Variants in EML5 observed in about 807,000 individuals in gnomAD.
The protein encoded by EML5 is echinoderm microtubule-associated protein-like 5.
EML5 carries 120 observed loss-of-function variants against 250.0 expected under a neutral mutation model. The ratio of observed to expected loss-of-function variants is 0.48; its 90% CI spans 0.41 to 0.56. EML5 has a LOEUF of 0.56. EML5 is among the 20% of genes least tolerant of loss of function. The probability of loss-of-function intolerance (pLI) is 0.00; values close to 1 mark genes in which losing one functional copy is unlikely to be tolerated. For synonymous variants in EML5, 771 were observed against 806.5 expected, an observed-to-expected ratio of 0.96 and a Z score of 0.75; for missense variants, 2,006 against 2,437.6, an observed-to-expected ratio of 0.82 and a Z score of 3.73.
At chr14:88,703,695 G>A (rs1185856932) in intron 13 of EML5, among the ~76,000 whole-genome samples, 2 of 152,156 alleles carry the variant, frequency 1.3e-5, no homozygotes, top group South Asian at 4.1e-4. Flanking sequence ...AGTCAGATTG[G>A]AAAATCTGTT....
intron 8 of EML5, among the ~76,000 whole-genome samples, chr14:88,724,041 C>A (rs891457502): frequency 6.6e-6 from 1 of 151,268 alleles, no homozygotes; most frequent in South Asian, 2.1e-4. Context: ...GAGGCCGAGG[C>A]GGGCAGATCA....
chr14:88,703,880 T>C (rs2139731137), intron 13 of EML5, among the ~76,000 whole-genome samples: 1 of 152,312 alleles, frequency 6.6e-6, no homozygotes, highest in East Asian at 1.9e-4. Context: ...TTTTACTTAA[T>C]TGTTTAAAGA....
Position 88,638,851 on chromosome 14 carries a change from G to C in EML5, c.4294C>G (p.Gln1432Glu). 6.3e-7 allele frequency: 1 copy of C among 1,598,416 alleles called. No individual in the cohort carries two copies. Among genetic ancestry groups the C allele is most frequent in the Non-Finnish European group, 8.5e-7 (1 of 1,172,042 alleles). Residue 1432 changes from glutamine to glutamate, a missense_variant, in exon 32 of 44, where the codon CAG becomes GAG. This residue lies in a region of EML5 where 1,375 missense variants were observed against 1,590.3 expected (regional missense o/e 0.86). Coordinates refer to ENST00000554922, the MANE Select transcript of EML5 (RefSeq NM_183387.3). Reference sequence around the variant, plus strand: ...ACTATGTTGATAAATTTGGGGTGCTGGTTTACTGTGAGGCACAGAATATCA... The same window carrying C: ...ACTATGTTGATAAATTTGGGGTGCTCGTTTACTGTGAGGCACAGAATATCA... ...NDDILCLTVN[Q>E]HPKFINIVAT...
chr14:88,658,628 A>G (rs2091957996), intron 25 of EML5, among the ~76,000 whole-genome samples: 1 of 152,196 alleles, frequency 6.6e-6, no homozygotes, highest in African/African-American at 2.4e-5. Flanking sequence ...AAACTCTTTA[A>G]AAAACCAACT....
In EML5 at chr14:88,685,022, A is replaced by G; in HGVS notation, c.2975T>C (p.Leu992Pro). 6.2e-7 allele frequency: 1 copy of G among 1,601,112 alleles called. No homozygotes were observed. Among genetic ancestry groups the G allele is most frequent in the Non-Finnish European group, 8.5e-7 (1 of 1,174,528 alleles). The change falls in exon 20 of 44, where the codon CTG becomes CCG. Residue 992 changes from leucine (L) to proline (P), a missense_variant. Physicochemically the swap from Leu to Pro is moderately conservative, Grantham distance 98. This residue lies in a region of EML5 where 1,375 missense variants were observed against 1,590.3 expected (regional missense o/e 0.86). Transcript: ENST00000554922. ...ATTAGCATTTAAAATTACCTGAACCAGAAGTGTTATTGGGCCACTTTTATC... is the reference window on the plus strand; with the variant it reads ...ATTAGCATTTAAAATTACCTGAACCGGAAGTGTTATTGGGCCACTTTTATC... Reference protein sequence around the residue: ...EVDKSGPITLLVQGHMEGEVW... With the variant: ...EVDKSGPITLPVQGHMEGEVW...
Position 88,756,623 on chromosome 14 carries a change from T to C in EML5, c.198-1952A>G, listed in dbSNP as rs561419921. ...AAACAACCAAAAAATGAAGAGCTAA[T>C]ATGAATTCAGCAAGGTTGCAGGATA... On this transcript the variant is annotated intron_variant, in intron 1 of 43. Coordinates refer to ENST00000554922, the MANE Select transcript of EML5 (RefSeq NM_183387.3). 2.0e-5 allele frequency among the ~76,000 whole-genome samples: 3 copies of C among 152,230 alleles called. 1 individual carries two copies. The highest frequency in any genetic ancestry group is 7.2e-5 in the African/African-American group (3 of 41,542).
chr14:88,779,823 T>TA (rs1380008823), intron 1 of EML5, among the ~76,000 whole-genome samples: 4 of 152,236 alleles, frequency 2.6e-5, no homozygotes, highest in Non-Finnish European at 4.4e-5. Context: ...AGAACTAGGT[T>TA]AAAAAATGCA....
intron 1 of EML5, among the ~76,000 whole-genome samples, chr14:88,790,893 C>T (rs757591002): frequency 1.4e-4 from 21 of 152,140 alleles, no homozygotes; most frequent in Non-Finnish European, 2.8e-4. Context: ...TATAATAGGT[C>T]TGTAACCCTA....
Position 88,615,539 on chromosome 14 carries a change from TCA to T in EML5, c.*277_*278del. ...AATTTTCCCAGCAGGTCTGCCGAAA[TCA>T]CACACTTCCCAATACAGGGGGACTT... On this transcript the variant is annotated 3_prime_UTR_variant, in exon 44 of 44. Coordinates refer to ENST00000554922, the MANE Select transcript of EML5 (RefSeq NM_183387.3). 5.7e-6 allele frequency: 2 copies of T among 349,876 alleles called. No individual in the cohort carries two copies. The highest frequency in any genetic ancestry group is 7.2e-4 in the Middle Eastern group (1 of 1,390). 21.7% of individuals were successfully genotyped at this position (349,876 alleles called of 1,614,324 possible). A position where few individuals can be genotyped will look rare whatever the true frequency, so the allele number is the denominator to read the frequency against.
chr14:88,774,415 A>T (rs2094428339), intron 1 of EML5, among the ~76,000 whole-genome samples: 1 of 152,192 alleles, frequency 6.6e-6, no homozygotes, highest in Non-Finnish European at 1.5e-5. Context: ...ATTGGAACGA[A>T]TCTTGAAAGA....
chr14:88,714,078 T>C (rs536739395), intron 9 of EML5, among the ~76,000 whole-genome samples: 2 of 151,724 alleles, frequency 1.3e-5, no homozygotes, highest in Non-Finnish European at 1.5e-5. Flanking sequence ...GCTCAAGCTG[T>C]CGGTCCACTG....
At position 88,704,860 on chromosome 14, in the gene EML5, C is replaced by A; in HGVS notation, c.2051G>T (p.Gly684Val). The change falls in exon 13 of 44, where the codon GGT (glycine) becomes GTT (valine). Residue 684 changes from glycine (G) to valine (V), a missense_variant and splice_region_variant. By Grantham distance (109) the Gly-to-Val change is moderately radical. Around this residue, in one of 7 missense-constraint regions of EML5, gnomAD observed 1,375 missense variants for 1,590.3 expected, o/e 0.86. Coordinates refer to ENST00000554922, the MANE Select transcript of EML5 (RefSeq NM_183387.3). ...TAAATGAAAGATAGTTGTTTTATAC[C>A]CGTGAACAAAGTGTAATCGAATACT... ...GNSIRLHFVH[G>V]YRGYDCRSNL... 1 of 1,607,632 alleles carries A rather than the reference C, an allele frequency of 6.2e-7. No homozygotes were observed. The highest frequency in any genetic ancestry group is 8.5e-7 in the Non-Finnish European group (1 of 1,176,308).
rs79856538 is a variant in EML5 at position 88,773,255 on chromosome 14, G to A, written c.198-18584C>T. 0.014 allele frequency among the ~76,000 whole-genome samples: 2,135 copies of A among 152,314 alleles called. 114 individuals are homozygous for A. The East Asian group carries it at 0.19, about 14-fold the overall frequency. On this transcript the variant is annotated intron_variant, in intron 1 of 43. Transcript: ENST00000554922. ...AATTATGACCTTCCAGGTTCCCTGT[G>A]AGTGAGCATTTTTCTGGACTGATAA...
chr14:88,784,134 G>C (rs1292653628), intron 1 of EML5, among the ~76,000 whole-genome samples: 1 of 151,846 alleles, frequency 6.6e-6, no homozygotes, highest in East Asian at 1.9e-4. Context: ...AAAACCTATG[G>C]GATACTGCAA....
intron 32 of EML5, among the ~76,000 whole-genome samples, chr14:88,635,388 G>A (rs2090663910): frequency 1.3e-5 from 2 of 152,194 alleles, no homozygotes. Context: ...ACCAAATGGT[G>A]AGAGGGCTTG....
chr14:88,687,477 G>T, intron 18 of EML5, 150 bp from the exon 19 acceptor site: 1 of 591,862 alleles, frequency 1.7e-6, no homozygotes, highest in Non-Finnish European at 2.9e-6. Context: ...AATCCATTGT[G>T]TTTTTAAACC....
intron 3 of EML5, among the ~76,000 whole-genome samples, chr14:88,745,193 G>A (rs1469344316): frequency 1.3e-5 from 2 of 151,790 alleles, no homozygotes; most frequent in Non-Finnish European, 2.9e-5. Context: ...GTGTGTGTGT[G>A]TGTGTAATAG....
At chr14:88,681,539 T>C (rs2092713269) in intron 21 of EML5, among the ~76,000 whole-genome samples, 1 of 152,242 alleles carries the variant, frequency 6.6e-6, no homozygotes, top group Non-Finnish European at 1.5e-5. Flanking sequence ...AGTTCTTTTT[T>C]GAATTTTTTT....
At chr14:88,761,221 C>T (rs1348414274) in intron 1 of EML5, among the ~76,000 whole-genome samples, 3 of 151,814 alleles carry the variant, frequency 2.0e-5, no homozygotes, top group Non-Finnish European at 4.4e-5. Flanking sequence ...TATTATTATT[C>T]TTTAAGTTCT....
Sources: allele counts gnomAD v4.1 joint callset (sites outside exome capture counted in the v4.1 genomes callset), GRCh38; gene constraint gnomAD v4.1.1; regional missense constraint gnomAD v4.1.1; transcripts MANE v1.5; gene names NCBI Gene and HGNC (gene_info 2026-07-23, HGNC 2026-07-21).